The following MGAT4D variants were observed in gnomAD, a reference collection of about 807,000 sequenced individuals.
MGAT4D encodes MGAT4 family member D.
A neutral mutation model predicts 15.9 loss-of-function variants in MGAT4D; 34 were observed. The ratio of observed to expected loss-of-function variants is 2.14; its 90% CI spans 1.62 to 2.84. The LOEUF (loss-of-function observed/expected upper bound fraction) is 2.84. MGAT4D is among the 30% of genes most tolerant of loss of function. The pLI, the probability that MGAT4D is intolerant of heterozygous loss-of-function variation, is 0.00. For synonymous variants in MGAT4D, 112 were observed against 48.2 expected (o/e 2.33, Z -5.49); for missense variants, 327 against 140.2 (o/e 2.33, Z -6.73).
chr4:140,463,516 G>A (rs1731331221), intron 6 of MGAT4D, among the ~76,000 whole-genome samples: 2 of 151,960 alleles, frequency 1.3e-5, no homozygotes. Flanking sequence ...AGGGTTGCCT[G>A]GATATAAACT....
chr4:140,486,063 C>A (rs908616822), intron 1 of MGAT4D, among the ~76,000 whole-genome samples: 4 of 151,934 alleles, frequency 2.6e-5, no homozygotes, highest in African/African-American at 9.7e-5. Flanking sequence ...CTGAGTTCCT[C>A]CCTGGTCTCA....
intron 9 of MGAT4D, among the ~76,000 whole-genome samples, chr4:140,455,040 G>C (rs1308450642): frequency 6.6e-6 from 1 of 151,666 alleles, no homozygotes; most frequent in Non-Finnish European, 1.5e-5. Flanking sequence ...TGGTTTTATT[G>C]GTTTTCTCTA....
intron 8 of MGAT4D, chr4:140,456,950 C>G (rs982779843): frequency 8.9e-6 from 2 of 225,046 alleles, no homozygotes; most frequent in Non-Finnish European, 1.7e-5. Context: ...AGTCAATACT[C>G]TCAGGAAATC....
At chr4:140,467,452 C>T (rs531814633) in intron 5 of MGAT4D, among the ~76,000 whole-genome samples, 1 of 152,134 alleles carries the variant, frequency 6.6e-6, no homozygotes, top group African/African-American at 2.4e-5. Flanking sequence ...AAATTTTGTC[C>T]TCTAGAAAAT....
intron 1 of MGAT4D, among the ~76,000 whole-genome samples, chr4:140,496,567 G>A (rs1296197942): frequency 6.6e-6 from 1 of 152,202 alleles, no homozygotes; most frequent in Non-Finnish European, 1.5e-5. Context: ...ACTAGGCTGG[G>A]TGTGGTGGCT....
chr4:140,490,877 C>A (rs906683983), intron 1 of MGAT4D, among the ~76,000 whole-genome samples: 4 of 152,052 alleles, frequency 2.6e-5, no homozygotes, highest in South Asian at 2.1e-4. Context: ...GTCATATATC[C>A]AATCAGGAAA....
intron 7 of MGAT4D, among the ~76,000 whole-genome samples, chr4:140,460,157 AAG>A (rs1731080074): frequency 1.3e-5 from 2 of 152,332 alleles, no homozygotes; most frequent in South Asian, 4.1e-4. Flanking sequence ...CCCTCTTTGA[AAG>A]AGTCTCTTTA....
chr4:140,446,557 C>T (rs1730135790), intron 10 of MGAT4D, among the ~76,000 whole-genome samples: 1 of 151,748 alleles, frequency 6.6e-6, no homozygotes, highest in Non-Finnish European at 1.5e-5. Flanking sequence ...AATCTTTTCT[C>T]TTTTCTTCAT....
chr4:140,473,754 A>G (rs780320321), intron 4 of MGAT4D, among the ~76,000 whole-genome samples: 65 of 152,102 alleles, frequency 4.3e-4, no homozygotes, highest in Non-Finnish European at 8.8e-5. Flanking sequence ...GCTGGAGTGC[A>G]GTGGTGCAAT....
In MGAT4D at chr4:140,471,656, C is replaced by T. The variant is rs1731967039; in HGVS notation, c.572+119G>A. On this transcript the variant is annotated intron_variant, in intron 5 of 10. Transcript: ENST00000511113. Reference sequence around the variant, plus strand: ...AGAAAGGACTACAGGTTCTTTCTGCCAGCTATACTCATTAAAAAGAATATG... The same window carrying T: ...AGAAAGGACTACAGGTTCTTTCTGCTAGCTATACTCATTAAAAAGAATATG... 4 of 279,484 alleles carry T rather than the reference C, an allele frequency of 1.4e-5. No individual in the cohort carries two copies. In the Admixed American group the frequency reaches 2.1e-4, roughly 14 times the overall value. 17.3% of individuals were successfully genotyped at this position (279,484 alleles called of 1,614,324 possible).
rs574894976 is a variant in MGAT4D at position 140,490,301 on chromosome 4, C to A, written c.95-7816G>T. ...AGTTACCTTGTAGGTGTAGCAGAGC[C>A]CAAAATTGCAATTCATATAGCCTGG... On this transcript the variant is annotated intron_variant, in intron 1 of 10. Transcript: ENST00000511113. Among the ~76,000 whole-genome samples, 5 of 152,232 alleles carry A rather than the reference C, an allele frequency of 3.3e-5. No individual in the cohort carries two copies. In the East Asian group the frequency reaches 9.7e-4, roughly 29 times the overall value.
At chr4:140,459,470 G>T in intron 8 of MGAT4D, 42 bp downstream of exon 8, 3 of 414,928 alleles carry the variant, frequency 7.2e-6, no homozygotes, top group Non-Finnish European at 1.3e-5. Context: ...AAATTATTGT[G>T]TGCTAAAAAA....
At chr4:140,488,782 T>C (rs1006061779) in intron 1 of MGAT4D, among the ~76,000 whole-genome samples, 1 of 152,176 alleles carries the variant, frequency 6.6e-6, no homozygotes, top group African/African-American at 2.4e-5. Flanking sequence ...GGGAAGATGA[T>C]CCCTCATGGC....
At chr4:140,493,517 G>A (rs566459252) in intron 1 of MGAT4D, among the ~76,000 whole-genome samples, 1 of 151,734 alleles carries the variant, frequency 6.6e-6, no homozygotes, top group South Asian at 2.1e-4. Flanking sequence ...GGATGGTCTC[G>A]ATCTCCTGAC....
chr4:140,495,183 C>T (rs1216290333), intron 1 of MGAT4D, among the ~76,000 whole-genome samples: 1 of 152,190 alleles, frequency 6.6e-6, no homozygotes, highest in Non-Finnish European at 1.5e-5. Flanking sequence ...TTTGTACTTG[C>T]TTTTCCCTTT....
chr4:140,453,649 C>T (rs184315945), intron 9 of MGAT4D, among the ~76,000 whole-genome samples: 1 of 151,868 alleles, frequency 6.6e-6, no homozygotes, highest in East Asian at 1.9e-4. Context: ...TAAATTTCCC[C>T]CATGCTGTTC....
At chr4:140,447,067 G>A (rs1730180932) in intron 10 of MGAT4D, among the ~76,000 whole-genome samples, 1 of 151,950 alleles carries the variant, frequency 6.6e-6, no homozygotes, top group Non-Finnish European at 1.5e-5. Flanking sequence ...TGGTCTGACA[G>A]CATGGTTGGT....
intron 10 of MGAT4D, among the ~76,000 whole-genome samples, chr4:140,447,618 A>G (rs1344360189): frequency 6.6e-6 from 1 of 152,012 alleles, no homozygotes; most frequent in East Asian, 1.9e-4. Context: ...GGATCTCTTG[A>G]AGACAGCATA....
chr4:140,483,721 C>G (rs1477037249), intron 1 of MGAT4D, among the ~76,000 whole-genome samples: 1 of 152,084 alleles, frequency 6.6e-6, no homozygotes, highest in Admixed American at 6.6e-5. Flanking sequence ...TTTACAGTAA[C>G]TTGATCTTTG....
Sources: gnomAD v4.1 joint callset for allele counts (sites outside exome capture counted in the v4.1 genomes callset) on GRCh38, gnomAD v4.1.1 for gene constraint, MANE v1.5 for transcripts, NCBI Gene and HGNC (gene_info 2026-07-23, HGNC 2026-07-21) for gene names.